The following XPO1 variants were observed in gnomAD, a reference collection of about 807,000 sequenced individuals.
XPO1 encodes exportin 1.
XPO1 carries 5 observed loss-of-function variants against 133.3 expected under a neutral mutation model. The observed-to-expected ratio is 0.04, with a 90% CI of 0.02 to 0.08. The LOEUF (loss-of-function observed/expected upper bound fraction) is 0.08, where lower values mean the gene tolerates loss of function less well. Ranked by LOEUF, XPO1 falls within the 10% of genes least tolerant of loss-of-function variation. The pLI, the probability that XPO1 is intolerant of heterozygous loss-of-function variation, is 1.00. For missense variants in XPO1, 506 were observed against 1,267.5 expected (o/e 0.40, Z 9.12); for synonymous variants, 419 against 408.2 (o/e 1.03, Z -0.32).
chr2:61,518,604 G>A (rs1034368023), intron 4 of XPO1, among the ~76,000 whole-genome samples: 1 of 151,766 alleles, frequency 6.6e-6, no homozygotes, highest in South Asian at 2.1e-4. Flanking sequence ...GCAACAGAGC[G>A]AGACTCTGTC....
intron 5 of XPO1, 33 bp from the exon 6 acceptor site, chr2:61,502,073 G>C (rs925205042): frequency 1.3e-6 from 2 of 1,575,428 alleles, no homozygotes; most frequent in Non-Finnish European, 1.7e-6. Context: ...ATGAGAGCCT[G>C]AGGTAAGTAT....
At position 61,482,675 on chromosome 2, in the gene XPO1, A is replaced by G. The variant is rs117531969; in HGVS notation, c.2813-136T>C. ...AGCTGGAATGCCGTGGCGCAATCTT[A>G]GTTCACTGCAACCTCTGCCTCCTCG... On this transcript the variant is annotated intron_variant, in intron 22 of 24. Transcript: ENST00000401558. 1,239 of 879,326 alleles carry G rather than the reference A, an allele frequency of 1.4e-3. 21 individuals are homozygous for G. The East Asian group carries it at 0.03, about 22-fold the overall frequency. 54.5% of individuals were successfully genotyped at this position (879,326 alleles called of 1,614,324 possible).
chr2:61,482,306 A>G, intron 23 of XPO1, 74 bp downstream of exon 23: 1 of 1,381,834 alleles, frequency 7.2e-7, no homozygotes, highest in African/African-American at 1.5e-5. Flanking sequence ...AGGCTTCCCA[A>G]AGTGCTGGGA....
intron 19 of XPO1, among the ~76,000 whole-genome samples, chr2:61,487,925 A>T (rs1292106100): frequency 6.6e-6 from 1 of 152,218 alleles, no homozygotes; most frequent in African/African-American, 2.4e-5. Context: ...AAATGACCCA[A>T]TTTTCTTAGC....
At chr2:61,526,687 T>C (rs1698916449) in intron 2 of XPO1, among the ~76,000 whole-genome samples, 166 bp from the exon 3 acceptor site, 1 of 150,722 alleles carries the variant, frequency 6.6e-6, no homozygotes, top group Admixed American at 6.7e-5. Flanking sequence ...GAAATAAAAT[T>C]ATATAAATAT....
chr2:61,480,974 A>G (rs941575759), intron 24 of XPO1, among the ~76,000 whole-genome samples: 1 of 152,204 alleles, frequency 6.6e-6, no homozygotes, highest in Non-Finnish European at 1.5e-5. Flanking sequence ...GTTTATCCGA[A>G]TAACATCTCA....
rs1421266992 is a variant in XPO1 at position 61,495,403 on chromosome 2, GT to G, written c.1047+51del. 4.2e-6 allele frequency: 6 copies of G among 1,435,440 alleles called. No individual in the cohort carries two copies. In the African/African-American group the frequency reaches 8.6e-5, roughly 21 times the overall value. The allele number at this position is 1,435,440 out of a possible 1,614,324, so 88.9% of individuals were successfully genotyped here. ...ATTTTAGAAAAAGGCACTTTTAAGAGTTATTAGTAGGCAGAGCAGAATTTTA... is the reference window on the plus strand; with the variant it reads ...ATTTTAGAAAAAGGCACTTTTAAGAGTATTAGTAGGCAGAGCAGAATTTTA... On this transcript the variant is annotated intron_variant, in intron 11 of 24. Transcript: ENST00000401558.
intron 4 of XPO1, among the ~76,000 whole-genome samples, chr2:61,518,417 A>AACACACACAC (rs200566050): frequency 1.2e-3 from 149 of 124,508 alleles, no homozygotes; most frequent in African/African-American, 2.3e-3. Flanking sequence ...CAAAAAACAA[A>AACACACACAC]ACACACACAC....
intron 22 of XPO1, 54 bp downstream of exon 22, chr2:61,482,903 G>C (rs1696470550): frequency 1.2e-6 from 2 of 1,606,440 alleles, no homozygotes; most frequent in African/African-American, 1.3e-5. Flanking sequence ...GATTATAGGC[G>C]TGAGGCCCTG....
intron 19 of XPO1, among the ~76,000 whole-genome samples, chr2:61,487,021 G>A (rs914788396): frequency 6.7e-6 from 1 of 148,636 alleles, no homozygotes; most frequent in African/African-American, 2.5e-5. Context: ...TCCCACTTGT[G>A]GCCCAGACTG....
intron 4 of XPO1, among the ~76,000 whole-genome samples, chr2:61,517,334 A>G (rs1698443979): frequency 6.6e-6 from 1 of 152,216 alleles, no homozygotes; most frequent in Admixed American, 6.5e-5. Context: ...CTGTAACCCC[A>G]GCACTTTGGG....
At chr2:61,515,338 A>T (rs1698317268) in intron 4 of XPO1, among the ~76,000 whole-genome samples, 1 of 152,234 alleles carries the variant, frequency 6.6e-6, no homozygotes, top group African/African-American at 2.4e-5. Context: ...ATACTACAGG[A>T]GATCTTCAGC....
chr2:61,521,250 T>C (rs1399519832), intron 4 of XPO1, among the ~76,000 whole-genome samples: 3 of 152,192 alleles, frequency 2.0e-5, no homozygotes, highest in African/African-American at 4.8e-5. Context: ...TGCTCAAACT[T>C]TGTCAAGGTT....
intron 4 of XPO1, among the ~76,000 whole-genome samples, chr2:61,508,216 C>A (rs998235616): frequency 2.6e-5 from 4 of 151,838 alleles, no homozygotes; most frequent in Non-Finnish European, 4.4e-5. Flanking sequence ...GGCTCCATCT[C>A]AAAAAAATAA....
chr2:61,516,837 C>T (rs1158240286), intron 4 of XPO1, among the ~76,000 whole-genome samples: 13 of 152,102 alleles, frequency 8.5e-5, no homozygotes, highest in African/African-American at 2.4e-5. Flanking sequence ...TCTTTCCCCC[C>T]AACAGGAACA....
intron 4 of XPO1, among the ~76,000 whole-genome samples, chr2:61,515,067 C>CT: frequency 1.4e-5 from 1 of 71,986 alleles, no homozygotes; most frequent in Non-Finnish European, 2.8e-5. Flanking sequence ...GTGTGACTGT[C>CT]TTAAAAAAAA....
At chr2:61,480,611 G>GGCTAATAT (rs1696300119) in intron 24 of XPO1, 1 of 151,286 alleles carries the variant, frequency 6.6e-6, no homozygotes, top group Non-Finnish European at 1.5e-5. Flanking sequence ...TTTAAAAATT[G>GGCTAATAT]GCTAATATTT....
intron 16 of XPO1, 45 bp downstream of exon 16, chr2:61,491,990 A>C (rs774514811): frequency 1.9e-6 from 3 of 1,601,798 alleles, no homozygotes; most frequent in South Asian, 1.1e-5. Context: ...AGATTGATAC[A>C]AGTGTTACTT....
At chr2:61,494,295 C>T in intron 11 of XPO1, 1 of 492,518 alleles carries the variant, frequency 2.0e-6, no homozygotes, top group Non-Finnish European at 3.6e-6. Flanking sequence ...AAATCTCTCA[C>T]ATAGTAGTTG....
Sources: gnomAD v4.1 joint callset for allele counts (sites outside exome capture counted in the v4.1 genomes callset) on GRCh38, gnomAD v4.1.1 for gene constraint, MANE v1.5 for transcripts, NCBI Gene and HGNC (gene_info 2026-07-23, HGNC 2026-07-21) for gene names.